PPP1R21: variants seen among roughly 807,000 people sequenced by gnomAD.
PPP1R21 encodes the protein protein phosphatase 1 regulatory subunit 21, also known as KLRAQ motif containing 1.
A neutral mutation model predicts 112.8 loss-of-function variants in PPP1R21; 85 were observed. The ratio of observed to expected loss-of-function variants is 0.75; its 90% CI spans 0.63 to 0.90. PPP1R21 has a LOEUF of 0.90. Among genes scored for constraint, PPP1R21 ranks in the 40% least tolerant of loss-of-function variants. PPP1R21 has a pLI of 0.00. For missense variants in PPP1R21, 1,199 were observed against 901.5 expected (o/e 1.33, Z -4.23); for synonymous variants, 381 against 322.3 (o/e 1.18, Z -1.95).
chr2:48,468,284 T>C (rs1278766035), intron 9 of PPP1R21, among the ~76,000 whole-genome samples: 1 of 152,220 alleles, frequency 6.6e-6, no homozygotes, highest in Non-Finnish European at 1.5e-5. Context: ...GATTAGCTCT[T>C]AGGATCATCA....
chr2:48,459,796 C>A lies in PPP1R21; in HGVS notation c.418C>A (p.Leu140Met), dbSNP rs756430637. ...DEQHKHVEAE[L>M]RSRLATLETE... ...GCAGCACAAGCATGTGGAAGCAGAG[C>A]TGAGGAGTCGACTGGCCACTCTGGA... is the stretch of plus-strand genomic sequence containing the variant. The change falls in exon 5 of 22, where the codon CTG (leucine) becomes ATG (methionine). Residue 140 changes from leucine to methionine, a missense_variant. Coordinates refer to ENST00000294952, the MANE Select transcript of PPP1R21 (RefSeq NM_001135629.3). The A allele has an allele frequency of 1.2e-6, 2 of 1,613,968 alleles. No individual in the cohort carries two copies. The highest frequency in any genetic ancestry group is 1.7e-6 in the Non-Finnish European group (2 of 1,180,034).
At chr2:48,490,218 C>CAAAAA (rs70943343) in intron 14 of PPP1R21, among the ~76,000 whole-genome samples, 8 of 93,928 alleles carry the variant, frequency 8.5e-5, no homozygotes, top group Admixed American at 3.8e-4. Flanking sequence ...GACGCCGACT[C>CAAAAA]AAAAAAAAAA....
chr2:48,504,085 C>T (rs774854918), intron 17 of PPP1R21, among the ~76,000 whole-genome samples: 11 of 151,928 alleles, frequency 7.2e-5, no homozygotes, highest in Non-Finnish European at 1.0e-4. Flanking sequence ...GATGTTTCCT[C>T]GCAGTTTATT....
At position 48,491,040 on chromosome 2, in the gene PPP1R21, A is replaced by G. The variant is rs376692989; in HGVS notation, c.1469A>G (p.Asn490Ser). ...AGKIASFFSNNLDYFIASLSY... is the reference protein window; with the variant it reads ...AGKIASFFSNSLDYFIASLSY... Reference sequence around the variant, plus strand: ...TAGATTGCATCCTTCTTCAGCAACAATTTGGACTACTTCATTGCTTCACTG... The same window carrying G: ...TAGATTGCATCCTTCTTCAGCAACAGTTTGGACTACTTCATTGCTTCACTG... Residue 490 changes from asparagine (N) to serine (S), a missense_variant, in exon 15 of 22, where the codon AAT (asparagine) becomes AGT (serine). By Grantham distance (46) the Asn-to-Ser change is conservative. Transcript: ENST00000294952. 88 of 1,613,972 alleles carry G rather than the reference A, an allele frequency of 5.5e-5. No homozygotes were observed. The highest frequency in any genetic ancestry group is 4.9e-4 in the Middle Eastern group (3 of 6,084).
At chr2:48,504,797 G>C (rs193117333) in intron 17 of PPP1R21, among the ~76,000 whole-genome samples, 228 of 152,236 alleles carry the variant, frequency 1.5e-3, no homozygotes, top group African/African-American at 5.2e-3. Context: ...ATGACCATCT[G>C]TTTTTGAAAT....
chr2:48,511,257 C>T lies in PPP1R21; in HGVS notation c.2185-83C>T, dbSNP rs946784207. ...GGGAAACTATAATTTCCCTACTCCA[C>T]ATTTTTCTTTTGTGAATTAAAAAAG... On this transcript the variant is annotated intron_variant, in intron 20 of 21. Coordinates refer to ENST00000294952, the MANE Select transcript of PPP1R21 (RefSeq NM_001135629.3). The T allele has an allele frequency of 5.8e-6, 8 of 1,379,508 alleles. No individual in the cohort carries two copies. The East Asian group carries it at 1.9e-4, about 32-fold the overall frequency. 85.5% of individuals were successfully genotyped at this position (1,379,508 alleles called of 1,614,324 possible).
intron 15 of PPP1R21, 78 bp from the exon 16 acceptor site, chr2:48,495,601 C>T: frequency 1.3e-6 from 1 of 763,158 alleles, no homozygotes. Context: ...CCTCGTTTAG[C>T]ATTCTTTGTG....
chr2:48,448,763 A>G (rs1224501111), intron 1 of PPP1R21, among the ~76,000 whole-genome samples: 1 of 152,226 alleles, frequency 6.6e-6, no homozygotes, highest in African/African-American at 2.4e-5. Flanking sequence ...GTCAACATTA[A>G]AGTGGTATTT....
At chr2:48,512,301 A>G (rs1670677722) in intron 21 of PPP1R21, among the ~76,000 whole-genome samples, 2 of 152,166 alleles carry the variant, frequency 1.3e-5, no homozygotes, top group South Asian at 4.1e-4. Context: ...TATTACTGTA[A>G]CAACGTATGT....
chr2:48,495,147 G>T (rs752762293), intron 15 of PPP1R21, among the ~76,000 whole-genome samples: 1 of 152,230 alleles, frequency 6.6e-6, no homozygotes, highest in African/African-American at 2.4e-5. Context: ...AAAGTCATCA[G>T]TCGAACCAAG....
chr2:48,458,551 T>A (rs964513542), intron 4 of PPP1R21, among the ~76,000 whole-genome samples: 3 of 151,802 alleles, frequency 2.0e-5, no homozygotes, highest in South Asian at 2.1e-4. Context: ...TACCAATAAA[T>A]GGTATTTGCT....
intron 17 of PPP1R21, among the ~76,000 whole-genome samples, chr2:48,499,208 A>C (rs1012822334): frequency 6.6e-6 from 1 of 152,148 alleles, no homozygotes; most frequent in Non-Finnish European, 1.5e-5. Context: ...TGATCCGTGT[A>C]CTCTAGAAGA....
At chr2:48,492,742 C>T (rs1435576786) in intron 15 of PPP1R21, among the ~76,000 whole-genome samples, 1 of 152,184 alleles carries the variant, frequency 6.6e-6, no homozygotes, top group Non-Finnish European at 1.5e-5. Flanking sequence ...CTACCTATCT[C>T]CCTATGTGAA....
chr2:48,468,445 G>A (rs1347385730), intron 9 of PPP1R21, among the ~76,000 whole-genome samples: 1 of 152,186 alleles, frequency 6.6e-6, no homozygotes, highest in African/African-American at 2.4e-5. Context: ...GCTTTCAGAA[G>A]ATCTGGATAG....
At position 48,479,199 on chromosome 2, in the gene PPP1R21, G is replaced by T. The variant is rs376069940; in HGVS notation, c.1226-725G>T. ...CCCCGCCTCTGTCCACACTTGCTCA[G>T]AATTTAGCTTCAGCAACAGGTAGCT... On this transcript the variant is annotated intron_variant, in intron 12 of 21. Transcript: ENST00000294952. Among the ~76,000 whole-genome samples, 2 of 152,218 alleles carry T rather than the reference G, an allele frequency of 1.3e-5. 1 individual carries two copies.
In PPP1R21 at chr2:48,479,981, G is replaced by A; in HGVS notation, c.1283G>A (p.Gly428Asp). 2 of 1,613,276 alleles carry A rather than the reference G, an allele frequency of 1.2e-6. No individual in the cohort carries two copies. Among genetic ancestry groups the A allele is most frequent in the Non-Finnish European group, 1.7e-6 (2 of 1,179,222 alleles). The change falls in exon 13 of 22, where the codon GGT (glycine) becomes GAT (aspartate). Residue 428 changes from glycine to aspartate, a missense_variant. Gly to Asp is a moderately conservative substitution (Grantham distance 94). Coordinates refer to ENST00000294952, the MANE Select transcript of PPP1R21 (RefSeq NM_001135629.3). The stretch of plus-strand genomic sequence containing the variant: ...TACAGTTCTGTGTTAACAAATGTTG[G>A]TGCTGCTCTGCATGGATTTCATGAC... ...TNYSSVLTNV[G>D]AALHGFHDVM... is the part of the protein sequence containing the mutation.
In PPP1R21 at chr2:48,468,711, G is replaced by A. The variant is rs181030065; in HGVS notation, c.898-2376G>A. On this transcript the variant is annotated intron_variant, in intron 9 of 21. Coordinates refer to ENST00000294952, the MANE Select transcript of PPP1R21 (RefSeq NM_001135629.3). ...GTACCTGTAGTCCCAGCTACTTGGTGGGCTGAGGTGGGAGGATCCCTTGAG... is the reference window on the plus strand; with the variant it reads ...GTACCTGTAGTCCCAGCTACTTGGTAGGCTGAGGTGGGAGGATCCCTTGAG... 2.0e-3 allele frequency among the ~76,000 whole-genome samples: 310 copies of A among 152,024 alleles called. 1 individual carries two copies. The highest frequency in any genetic ancestry group is 7.0e-3 in the African/African-American group (291 of 41,476).
intron 13 of PPP1R21, 56 bp downstream of exon 13, chr2:48,480,072 G>A: frequency 8.7e-7 from 1 of 1,146,934 alleles, no homozygotes. Context: ...TCTTCGATCT[G>A]CCTGAATAAG....
At position 48,440,845 on chromosome 2, in the gene PPP1R21, C is replaced by T. The variant is rs950773395; in HGVS notation, c.-109C>T. Reference sequence around the variant, plus strand: ...CGGCGGCGGCGGCGGCTGCGGTGGCCAAGCAGGCAGATACTGCCTGACCCG... The same window carrying T: ...CGGCGGCGGCGGCGGCTGCGGTGGCTAAGCAGGCAGATACTGCCTGACCCG... On this transcript the variant is annotated 5_prime_UTR_variant, in exon 1 of 22. Coordinates refer to ENST00000294952, the MANE Select transcript of PPP1R21 (RefSeq NM_001135629.3). 5.4e-6 allele frequency: 4 copies of T among 747,526 alleles called. No individual in the cohort carries two copies. The highest frequency in any genetic ancestry group is 8.7e-6 in the Non-Finnish European group (4 of 459,742). 46.3% of individuals were successfully genotyped at this position (747,526 alleles called of 1,614,324 possible). A position where few individuals can be genotyped will look rare whatever the true frequency, so the allele number is the denominator to read the frequency against.
Sources: gnomAD v4.1 joint callset for allele counts (sites outside exome capture counted in the v4.1 genomes callset) on GRCh38, gnomAD v4.1.1 for gene constraint, MANE v1.5 for transcripts, NCBI Gene and HGNC (gene_info 2026-07-23, HGNC 2026-07-21) for gene names.